The following NFIB variants were observed in gnomAD, a reference collection of about 807,000 sequenced individuals.
NFIB encodes the protein nuclear factor 1 B-type.
Under a neutral mutation model 61.5 loss-of-function variants are expected in NFIB, and 11 were observed. The observed-to-expected ratio is 0.18, with a 90% CI of 0.11 to 0.30. The LOEUF is 0.30. NFIB is among the 10% of genes least tolerant of loss of function. The probability of loss-of-function intolerance (pLI) is 1.00; values close to 1 mark genes in which losing one functional copy is unlikely to be tolerated. For missense variants in NFIB, 471 were observed against 608.9 expected (o/e 0.77, Z 2.38); for synonymous variants, 260 against 216.5 (o/e 1.20, Z -1.76).
At chr9:14,491,617 T>C in the NFIB span, among the ~76,000 whole-genome samples, 598 of 152,308 alleles carry the variant, frequency 3.9e-3, 8 homozygotes, top group African/African-American at 0.014. Context: ...AAGACACTCA[T>C]AGCTTTCTTT....
intron 2 of NFIB, among the ~76,000 whole-genome samples, chr9:14,290,568 C>T (rs917361854): frequency 2.0e-5 from 3 of 152,004 alleles, no homozygotes; most frequent in Admixed American, 2.0e-4. Context: ...ATAAAACAAA[C>T]ATTAAAACTC....
chr9:14,527,307 G>C, the NFIB span, among the ~76,000 whole-genome samples: 18 of 152,012 alleles, frequency 1.2e-4, no homozygotes, highest in African/African-American at 3.4e-4. Context: ...CGTTGTTGTT[G>C]TTTTACTCAG....
chr9:14,100,500 A>G (rs2035594680), intron 10 of NFIB, among the ~76,000 whole-genome samples: 2 of 152,100 alleles, frequency 1.3e-5, no homozygotes, highest in Non-Finnish European at 2.9e-5. Context: ...CGAGGTTAGG[A>G]GATCGAGACC....
the NFIB span, among the ~76,000 whole-genome samples, chr9:14,446,018 T>C: frequency 6.6e-6 from 1 of 152,210 alleles, no homozygotes; most frequent in South Asian, 2.1e-4. Context: ...CCACTAGGCA[T>C]AGAATTCCAG....
chr9:14,309,975 T>C (rs551701833), intron 1 of NFIB, among the ~76,000 whole-genome samples: 6 of 152,244 alleles, frequency 3.9e-5, no homozygotes, highest in Admixed American at 1.3e-4. Context: ...TATTAAGCCA[T>C]GTGGTAACAC....
At chr9:14,114,158 T>C (rs1205508267) in intron 9 of NFIB, among the ~76,000 whole-genome samples, 1 of 152,200 alleles carries the variant, frequency 6.6e-6, no homozygotes, top group African/African-American at 2.4e-5. Flanking sequence ...GACTGCAGAA[T>C]TTGATCCATG....
At chr9:14,103,700 G>A (rs2036106063) in intron 10 of NFIB, among the ~76,000 whole-genome samples, 1 of 152,066 alleles carries the variant, frequency 6.6e-6, no homozygotes, top group Non-Finnish European at 1.5e-5. Context: ...ATCGATCTAT[G>A]AGGCTCTAAA....
the NFIB span, among the ~76,000 whole-genome samples, chr9:14,460,168 T>C: frequency 7.9e-5 from 12 of 152,174 alleles, no homozygotes; most frequent in African/African-American, 2.2e-4. Flanking sequence ...CACATATACA[T>C]CATGGAATAC....
intron 1 of NFIB, among the ~76,000 whole-genome samples, chr9:14,328,202 T>G (rs1293511051): frequency 6.6e-6 from 1 of 152,208 alleles, no homozygotes. Context: ...TGGAGTGCAG[T>G]GGTGCTATCA....
chr9:14,527,079 G>A, the NFIB span, among the ~76,000 whole-genome samples: 1 of 152,116 alleles, frequency 6.6e-6, no homozygotes, highest in Non-Finnish European at 1.5e-5. Flanking sequence ...AAGTATCTTG[G>A]AAGAAGATTA....
At chr9:14,462,201 A>G in the NFIB span, among the ~76,000 whole-genome samples, 3 of 152,168 alleles carry the variant, frequency 2.0e-5, no homozygotes, top group Non-Finnish European at 4.4e-5. Context: ...TGCATAAAAT[A>G]TATTCTTTGG....
chr9:14,265,371 G>A (rs1563957919), intron 2 of NFIB, among the ~76,000 whole-genome samples: 2 of 152,114 alleles, frequency 1.3e-5, no homozygotes, highest in African/African-American at 4.8e-5. Flanking sequence ...TTAAGATTAC[G>A]TGACATCATA....
At chr9:14,237,781 T>C (rs2053908831) in intron 2 of NFIB, among the ~76,000 whole-genome samples, 1 of 91,596 alleles carries the variant, frequency 1.1e-5, no homozygotes, top group Middle Eastern at 6.1e-3. Flanking sequence ...TGTGTGTGTG[T>C]GTGTGTGTGT....
Position 14,308,991 on chromosome 9 carries a change from G to T in NFIB, c.31-1471C>A, listed in dbSNP as rs560920571. Among the ~76,000 whole-genome samples the T allele has an allele frequency of 3.9e-5, 6 of 152,230 alleles. No homozygotes were observed. The East Asian group carries it at 5.8e-4, about 15-fold the overall frequency. On this transcript the variant is annotated intron_variant, in intron 1 of 10. Coordinates refer to ENST00000380953, the MANE Select transcript of NFIB (RefSeq NM_001190737.2). Reference sequence around the variant, plus strand: ...TCCTGTACATGCACACCGCATGTACGCAATAAGCCAAGATTTGAAGCAAAT... The same window carrying T: ...TCCTGTACATGCACACCGCATGTACTCAATAAGCCAAGATTTGAAGCAAAT...
At chr9:14,285,620 T>C (rs971396029) in intron 2 of NFIB, among the ~76,000 whole-genome samples, 3 of 152,338 alleles carry the variant, frequency 2.0e-5, no homozygotes, top group Non-Finnish European at 4.4e-5. Context: ...GTCACTTAAC[T>C]AGCTTGCCCT....
chr9:14,405,364 C>T, the NFIB span, among the ~76,000 whole-genome samples: 12 of 152,280 alleles, frequency 7.9e-5, no homozygotes, highest in African/African-American at 2.9e-4. Flanking sequence ...AACTAATGTG[C>T]ACATTCATTC....
the NFIB span, among the ~76,000 whole-genome samples, chr9:14,485,199 C>T: frequency 3.2e-3 from 486 of 152,256 alleles, 4 homozygotes; most frequent in Non-Finnish European, 5.2e-3. Context: ...AAAATTCAGT[C>T]CATAACAGAA....
intron 2 of NFIB, among the ~76,000 whole-genome samples, chr9:14,281,407 T>C (rs1024766328): frequency 2.0e-5 from 3 of 152,198 alleles, no homozygotes; most frequent in South Asian, 2.1e-4. Context: ...GCACTCTTTA[T>C]GTGGTCATAT....
chr9:14,452,210 C>T, the NFIB span, among the ~76,000 whole-genome samples: 3 of 151,998 alleles, frequency 2.0e-5, no homozygotes, highest in African/African-American at 7.2e-5. Context: ...AGGTAACACA[C>T]GGAGGGGTGG....
Sources: allele counts gnomAD v4.1 joint callset (sites outside exome capture counted in the v4.1 genomes callset), GRCh38; gene constraint gnomAD v4.1.1; transcripts MANE v1.5; gene names NCBI Gene and HGNC (gene_info 2026-07-23, HGNC 2026-07-21).